CCDC3: variants seen among roughly 807,000 people sequenced by gnomAD.
The protein encoded by CCDC3 is coiled-coil domain-containing protein 3.
A neutral mutation model predicts 21.4 loss-of-function variants in CCDC3; 24 were observed. The ratio of observed to expected loss-of-function variants is 1.12; its 90% CI spans 0.81 to 1.58. The LOEUF is 1.58. Among genes scored for constraint, CCDC3 ranks in the 40% most tolerant of loss-of-function variants. The probability of loss-of-function intolerance (pLI) is 0.00; values close to 1 mark genes in which losing one functional copy is unlikely to be tolerated. For missense variants in CCDC3, 425 were observed against 360.9 expected (o/e 1.18, Z -1.44); for synonymous variants, 186 against 166.0 (o/e 1.12, Z -0.93).
chr10:13,052,105 C>T (rs1006296303), intron 4 of CCDC3, among the ~76,000 whole-genome samples: 4 of 151,952 alleles, frequency 2.6e-5, no homozygotes, highest in Non-Finnish European at 5.9e-5. Context: ...CTGGGCATGG[C>T]GGCACACACC....
chr10:13,052,017 G>A (rs1043398341), intron 4 of CCDC3, among the ~76,000 whole-genome samples: 2 of 152,130 alleles, frequency 1.3e-5, no homozygotes, highest in Non-Finnish European at 1.5e-5. Context: ...CATGAAGATA[G>A]GAGGGCCCCT....
intron 2 of CCDC3, among the ~76,000 whole-genome samples, chr10:12,917,077 G>T (rs1834368713): frequency 6.6e-6 from 1 of 151,550 alleles, no homozygotes; most frequent in Non-Finnish European, 1.5e-5. Flanking sequence ...GCGAAGTCCA[G>T]AGCTCACTTC....
chr10:13,034,589 T>C (rs562678931), intron 5 of CCDC3, among the ~76,000 whole-genome samples: 1 of 151,320 alleles, frequency 6.6e-6, no homozygotes, highest in East Asian at 1.9e-4. Flanking sequence ...GTCATAGCAA[T>C]AGTTAGGAAT....
chr10:12,914,244 C>T (rs1834313122), intron 2 of CCDC3, among the ~76,000 whole-genome samples: 1 of 152,128 alleles, frequency 6.6e-6, no homozygotes, highest in Middle Eastern at 3.2e-3. Context: ...ACTGCCAATT[C>T]AATCTTCTTA....
At chr10:12,990,039 T>G (rs1835657072) in intron 2 of CCDC3, among the ~76,000 whole-genome samples, 1 of 151,810 alleles carries the variant, frequency 6.6e-6, no homozygotes, top group African/African-American at 2.4e-5. Flanking sequence ...GATCATGAGG[T>G]CAGGAGATCG....
chr10:13,041,716 G>A (rs1836458359), intron 5 of CCDC3, among the ~76,000 whole-genome samples: 5 of 151,574 alleles, frequency 3.3e-5, no homozygotes, highest in Admixed American at 3.3e-4. Context: ...TCGAACTCCT[G>A]ACCTCAAGTG....
chr10:12,972,883 G>A (rs1265548547), intron 2 of CCDC3, among the ~76,000 whole-genome samples: 1 of 152,162 alleles, frequency 6.6e-6, no homozygotes, highest in East Asian at 1.9e-4. Context: ...TCTCATTCAG[G>A]AGAACTGCAG....
intron 2 of CCDC3, among the ~76,000 whole-genome samples, chr10:12,987,791 T>G (rs11815529): frequency 0.046 from 7,077 of 152,226 alleles, 567 homozygotes; most frequent in African/African-American, 0.16. Flanking sequence ...TAAAAAGTAG[T>G]GACAGCAGTG....
intron 3 of CCDC3, among the ~76,000 whole-genome samples, chr10:13,092,107 A>G (rs1005913188): frequency 6.6e-6 from 1 of 152,242 alleles, no homozygotes; most frequent in African/African-American, 2.4e-5. Context: ...CACACTGTGA[A>G]CATACAAAGA....
chr10:13,025,109 G>A (rs1444188411), intron 5 of CCDC3, among the ~76,000 whole-genome samples: 1 of 152,170 alleles, frequency 6.6e-6, no homozygotes, highest in Non-Finnish European at 1.5e-5. Flanking sequence ...GGTTGACCAG[G>A]GGGTTATTAC....
At position 13,019,764 on chromosome 10, in the gene CCDC3, G is replaced by A. The variant is rs151255199; in HGVS notation, c.-1-21252C>T. ...TAATCCCAGCACTTTGGGAGGCCAG[G>A]CTGGGTGGATCACCTGAGGTCAGGA... On this transcript the variant is annotated intron_variant, in intron 5 of 6. Transcript: ENST00000378839. 4.1e-3 allele frequency among the ~76,000 whole-genome samples: 617 copies of A among 152,318 alleles called. 7 individuals are homozygous for A. Among genetic ancestry groups the A allele is most frequent in the African/African-American group, 0.014 (593 of 41,580 alleles).
chr10:13,001,337 C>T lies in CCDC3; in HGVS notation c.234G>A (p.Glu78=), dbSNP rs1185782102. ...ACGCCTGGTCGCACAGCATCTCGAC[C>T]TCGGCCGAGTAGAAGAGGCCCCCCT... ...AGQGGLFYSA[E]VEMLCDQAWG... The change falls in exon 1 of 3, where the codon GAG becomes GAA. Residue 78 remains glutamate (E), a synonymous_variant. Coordinates refer to ENST00000378825, the MANE Select transcript of CCDC3 (RefSeq NM_031455.4). 2.5e-6 allele frequency: 4 copies of T among 1,604,578 alleles called. No individual in the cohort carries two copies. In the South Asian group the frequency reaches 4.5e-5, roughly 18 times the overall value.
Position 13,056,069 on chromosome 10 carries a change from G to A in CCDC3, c.-269-6128C>T, listed in dbSNP as rs535677592. Among the ~76,000 whole-genome samples, 11 of 152,316 alleles carry A rather than the reference G, an allele frequency of 7.2e-5. 1 individual carries two copies. The South Asian group carries it at 1.9e-3, about 26-fold the overall frequency. On this transcript the variant is annotated intron_variant, in intron 4 of 6. Coordinates refer to the CCDC3 transcript ENST00000378839. ...TCAGTTAATCTGTGTATCAGTTGTGGTAGGGAAATTACTGCAAAAAAATTT... is the reference window on the plus strand; with the variant it reads ...TCAGTTAATCTGTGTATCAGTTGTGATAGGGAAATTACTGCAAAAAAATTT...
At chr10:13,061,043 C>A (rs1292497493) in intron 4 of CCDC3, among the ~76,000 whole-genome samples, 1 of 152,108 alleles carries the variant, frequency 6.6e-6, no homozygotes, top group Non-Finnish European at 1.5e-5. Flanking sequence ...TTCCAGCTGT[C>A]CAACCACACT....
chr10:13,043,103 T>C (rs1410118100), intron 5 of CCDC3, among the ~76,000 whole-genome samples: 4 of 152,034 alleles, frequency 2.6e-5, no homozygotes, highest in Admixed American at 1.3e-4. Flanking sequence ...AGGGGGTACA[T>C]GTCAGGTTTG....
At chr10:12,985,196 T>C (rs1187731878) in intron 2 of CCDC3, among the ~76,000 whole-genome samples, 9 of 152,200 alleles carry the variant, frequency 5.9e-5, no homozygotes, top group African/African-American at 2.2e-4. Flanking sequence ...CTTAACTTTT[T>C]AAAAAGCAAA....
intron 3 of CCDC3, among the ~76,000 whole-genome samples, chr10:13,091,328 T>C (rs551830822): frequency 1.3e-5 from 2 of 152,276 alleles, no homozygotes; most frequent in East Asian, 3.9e-4. Context: ...GATTAGGTCA[T>C]GAGAGGAGAG....
intron 2 of CCDC3, among the ~76,000 whole-genome samples, chr10:12,932,266 C>A (rs1052669352): frequency 6.6e-6 from 1 of 152,114 alleles, no homozygotes; most frequent in Admixed American, 6.5e-5. Context: ...TTTATCAGGA[C>A]GTAAGTAAAA....
At chr10:13,021,827 G>A (rs182019733) in intron 5 of CCDC3, among the ~76,000 whole-genome samples, 6 of 152,082 alleles carry the variant, frequency 3.9e-5, no homozygotes, top group Non-Finnish European at 7.4e-5. Flanking sequence ...GCAGTGGCAC[G>A]GTCTCAGTTC....
Sources: gnomAD v4.1 joint callset for allele counts (sites outside exome capture counted in the v4.1 genomes callset) on GRCh38, gnomAD v4.1.1 for gene constraint, MANE v1.5 for transcripts, NCBI Gene and HGNC (gene_info 2026-07-23, HGNC 2026-07-21) for gene names.